Variants in AEBP2 observed in about 807,000 individuals in gnomAD.
AEBP2 encodes AE binding protein 2, also known as zinc finger protein AEBP2.
A neutral mutation model predicts 50.8 loss-of-function variants in AEBP2; 10 were observed. That is an observed-to-expected ratio of 0.20 (90% CI 0.12 to 0.33). AEBP2 has a LOEUF of 0.33. AEBP2 is among the 10% of genes least tolerant of loss of function. The pLI, the probability that AEBP2 is intolerant of heterozygous loss-of-function variation, is 1.00. For missense variants in AEBP2, 570 were observed against 688.0 expected (o/e 0.83, Z 1.92); for synonymous variants, 296 against 261.3 (o/e 1.13, Z -1.28).
chr12:19,456,021 T>A (rs1206999830), intron 1 of AEBP2, among the ~76,000 whole-genome samples: 2 of 152,148 alleles, frequency 1.3e-5, no homozygotes, highest in African/African-American at 4.8e-5. Flanking sequence ...TTGTTTCCAT[T>A]AAAAAGTACT....
chr12:19,469,270 TC>T (rs1948535553), intron 2 of AEBP2, among the ~76,000 whole-genome samples: 1 of 152,310 alleles, frequency 6.6e-6, no homozygotes, highest in African/African-American at 2.4e-5. Context: ...AATTTTTTTT[TC>T]CTGGACATTC....
At chr12:19,489,523 A>G (rs1171183083) in intron 3 of AEBP2, among the ~76,000 whole-genome samples, 1 of 152,226 alleles carries the variant, frequency 6.6e-6, no homozygotes, top group Non-Finnish European at 1.5e-5. Context: ...AGTGTTCAAC[A>G]ACCAGCTTTC....
intron 1 of AEBP2, among the ~76,000 whole-genome samples, chr12:19,404,851 G>A (rs866462945): frequency 6.6e-6 from 1 of 151,682 alleles, no homozygotes; most frequent in Admixed American, 6.6e-5. Flanking sequence ...TTTATGAAAC[G>A]CAGGGCCATA....
At chr12:19,440,546 C>T in intron 1 of AEBP2, 176 bp downstream of exon 1, 1 of 1,382,828 alleles carries the variant, frequency 7.2e-7, no homozygotes, top group African/African-American at 1.5e-5. Context: ...TCTCGCAGCG[C>T]ATCGCGGCTT....
intron 1 of AEBP2, among the ~76,000 whole-genome samples, chr12:19,412,661 T>A (rs555294435): frequency 2.3e-4 from 35 of 152,178 alleles, no homozygotes; most frequent in South Asian, 8.3e-4. Flanking sequence ...CTCAAACTCC[T>A]GGCCTCAAAC....
chr12:19,504,478 G>A (rs139959495), intron 5 of AEBP2, among the ~76,000 whole-genome samples: 4,914 of 151,918 alleles, frequency 0.032, 107 homozygotes, highest in Non-Finnish European at 0.051. Context: ...CTGACCTTGT[G>A]ATCCACCCAC....
At chr12:19,406,565 G>C (rs1451449064) in intron 1 of AEBP2, among the ~76,000 whole-genome samples, 1 of 150,938 alleles carries the variant, frequency 6.6e-6, no homozygotes, top group African/African-American at 2.4e-5. Flanking sequence ...TGTAATCCCA[G>C]CTTACTCTGG....
chr12:19,412,135 C>G (rs991946980), intron 1 of AEBP2, among the ~76,000 whole-genome samples: 3 of 152,206 alleles, frequency 2.0e-5, no homozygotes, highest in African/African-American at 7.2e-5. Flanking sequence ...GTGCCTTTTC[C>G]AAGTCACACA....
chr12:19,460,769 C>T (rs559171350), intron 1 of AEBP2, among the ~76,000 whole-genome samples: 11 of 152,142 alleles, frequency 7.2e-5, no homozygotes, highest in Non-Finnish European at 7.4e-5. Flanking sequence ...ATTCTCCTGC[C>T]TCAGTCTCCC....
intron 1 of AEBP2, among the ~76,000 whole-genome samples, chr12:19,446,423 A>G (rs1948067935): frequency 6.6e-6 from 1 of 152,126 alleles, no homozygotes; most frequent in African/African-American, 2.4e-5. Context: ...ACCAGCCAGG[A>G]CAGTGTAACA....
upstream of AEBP2, among the ~76,000 whole-genome samples, chr12:19,437,275 G>A (rs1458792025): frequency 6.6e-6 from 1 of 152,168 alleles, no homozygotes; most frequent in Non-Finnish European, 1.5e-5. Context: ...CATACAAATG[G>A]ACAGCTTTCT....
intron 1 of AEBP2, among the ~76,000 whole-genome samples, chr12:19,409,005 A>G (rs1418775817): frequency 1.3e-5 from 2 of 152,152 alleles, no homozygotes; most frequent in Non-Finnish European, 2.9e-5. Flanking sequence ...TTATGTAAAT[A>G]TAAGCAAACA....
At chr12:19,512,492 GTAA>G in intron 6 of AEBP2, 27 bp downstream of exon 6, 3 of 1,367,630 alleles carry the variant, frequency 2.2e-6, no homozygotes, top group Non-Finnish European at 3.0e-6. Flanking sequence ...TTATGCCTTA[GTAA>G]TAAGTTCATG....
chr12:19,494,109 C>A (rs1285224605), intron 4 of AEBP2, 123 bp downstream of exon 4: 10 of 1,078,226 alleles, frequency 9.3e-6, no homozygotes, highest in Non-Finnish European at 1.2e-5. Context: ...AGGTAGGATG[C>A]CTGTCTGTCA....
In AEBP2 at chr12:19,504,296, G is replaced by A. The variant is rs113702902; in HGVS notation, c.1299+4075G>A. ...GTCGCCCAGGCTGGAGTGCAGTGGC[G>A]CGATCTCGGCTCACTGCAAGCTCCG... On this transcript the variant is annotated intron_variant, in intron 5 of 7. Coordinates refer to ENST00000266508, the MANE Select transcript of AEBP2 (RefSeq NM_153207.5). Among the ~76,000 whole-genome samples the A allele has an allele frequency of 3.5e-3, 524 of 151,294 alleles. 6 individuals carry two copies. The highest frequency in any genetic ancestry group is 0.012 in the African/African-American group (509 of 41,176).
intron 2 of AEBP2, among the ~76,000 whole-genome samples, chr12:19,465,638 C>T (rs1423692268): frequency 1.3e-5 from 2 of 151,854 alleles, no homozygotes; most frequent in Non-Finnish European, 2.9e-5. Context: ...GCGATCTGCC[C>T]GCCTTGGCCT....
rs187527168 is a variant in AEBP2, at chr12:19,454,534, G to A, written c.672-7976G>A. Among the ~76,000 whole-genome samples the A allele has an allele frequency of 1.7e-4, 26 of 152,306 alleles. 1 individual carries two copies. In the East Asian group the frequency reaches 3.5e-3, roughly 20 times the overall value. On this transcript the variant is annotated intron_variant, in intron 1 of 7. Transcript: ENST00000266508. ...GTAGAAACACCAGTGCAGCAGAGCC[G>A]TAGCCTTTTTACTCAGTGATGTATT...
chr12:19,518,486 G>A lies in AEBP2; in HGVS notation c.*369G>A. ...TTAGTGATTTCAGTAGTTTATATTG[G>A]AAAGAAAAACAATTACAACATGTGC... On this transcript the variant is annotated 3_prime_UTR_variant, in exon 8 of 8. Transcript: ENST00000266508. 1 of 1,244,122 alleles carries A rather than the reference G, an allele frequency of 8.0e-7. No homozygotes were observed. The highest frequency in any genetic ancestry group is 1.0e-6 in the Non-Finnish European group (1 of 991,780). 77.1% of individuals were successfully genotyped at this position (1,244,122 alleles called of 1,614,324 possible).
intron 3 of AEBP2, among the ~76,000 whole-genome samples, chr12:19,486,613 G>A (rs1948813976): frequency 6.6e-6 from 1 of 151,882 alleles, no homozygotes; most frequent in African/African-American, 2.4e-5. Flanking sequence ...GAACTCGCAG[G>A]CCCAAGCGAT....
Sources: allele counts gnomAD v4.1 joint callset (sites outside exome capture counted in the v4.1 genomes callset), GRCh38; gene constraint gnomAD v4.1.1; transcripts MANE v1.5; gene names NCBI Gene and HGNC (gene_info 2026-07-23, HGNC 2026-07-21).